The following DCC variants were observed in gnomAD, a reference collection of about 807,000 sequenced individuals.
DCC encodes the protein netrin receptor DCC.
DCC carries 58 observed loss-of-function variants against 172.5 expected under a neutral mutation model. The observed-to-expected ratio is 0.34, with a 90% CI of 0.27 to 0.42. The LOEUF (loss-of-function observed/expected upper bound fraction) is 0.42. Among genes scored for constraint, DCC ranks in the 10% least tolerant of loss-of-function variants. The pLI is 1.00. For synonymous variants in DCC, 709 were observed against 644.5 expected, an observed-to-expected ratio of 1.10 and a Z score of -1.52; for missense variants, 1,740 against 1,791.0, an observed-to-expected ratio of 0.97 and a Z score of 0.51.
chr18:52,719,444 C>T (rs577001371), intron 1 of DCC, among the ~76,000 whole-genome samples: 6 of 152,108 alleles, frequency 3.9e-5, no homozygotes, highest in African/African-American at 1.4e-4. Context: ...AGGGCTCCGA[C>T]GGGGAGGTTA....
At chr18:52,558,611 G>T (rs1210331658) in intron 1 of DCC, among the ~76,000 whole-genome samples, 1 of 152,170 alleles carries the variant, frequency 6.6e-6, no homozygotes, top group Non-Finnish European at 1.5e-5. Context: ...GGTGAGGTCA[G>T]TAGAACGGGG....
Position 52,610,668 on chromosome 18 carries a change from G to C in DCC, c.92-141386G>C, listed in dbSNP as rs1194659392. 3.9e-5 allele frequency among the ~76,000 whole-genome samples: 6 copies of C among 152,020 alleles called. No individual in the cohort carries two copies. In the East Asian group the frequency reaches 1.2e-3, roughly 29 times the overall value. ...CAGAAGTAAATATTTTCGGCTTTGT[G>C]AGTCATGCCGCTTTGGTGACAGCCC... On this transcript the variant is annotated intron_variant, in intron 1 of 28. Coordinates refer to ENST00000442544, the MANE Select transcript of DCC (RefSeq NM_005215.4).
chr18:53,397,522 C>T, intron 18 of DCC, 76 bp downstream of exon 18: 1 of 1,497,414 alleles, frequency 6.7e-7, no homozygotes, highest in Non-Finnish European at 9.3e-7. Context: ...AACATGTGTT[C>T]CCTATGGTGT....
intron 1 of DCC, among the ~76,000 whole-genome samples, chr18:52,492,904 A>G (rs1403905322): frequency 1.3e-5 from 2 of 152,220 alleles, no homozygotes; most frequent in South Asian, 2.1e-4. Flanking sequence ...CAATCATATG[A>G]TAGCGGGCAG....
chr18:52,999,062 G>A (rs1484113078), intron 5 of DCC, among the ~76,000 whole-genome samples: 7 of 152,050 alleles, frequency 4.6e-5, no homozygotes, highest in African/African-American at 2.4e-5. Flanking sequence ...GACACAGTGA[G>A]TATTCAACAG....
At chr18:53,441,568 T>C (rs1472295516) in intron 22 of DCC, among the ~76,000 whole-genome samples, 2 of 152,162 alleles carry the variant, frequency 1.3e-5, no homozygotes, top group Non-Finnish European at 2.9e-5. Context: ...ACATGAGGAC[T>C]ACTACTTAGG....
At chr18:52,707,495 C>T (rs1002064117) in intron 1 of DCC, among the ~76,000 whole-genome samples, 1 of 152,164 alleles carries the variant, frequency 6.6e-6, no homozygotes, top group Non-Finnish European at 1.5e-5. Flanking sequence ...CCAACAATCT[C>T]ACTACTGTGT....
At chr18:52,603,103 C>T (rs764148101) in intron 1 of DCC, among the ~76,000 whole-genome samples, 1 of 152,060 alleles carries the variant, frequency 6.6e-6, no homozygotes, top group Admixed American at 6.6e-5. Flanking sequence ...TGAGAAGCAC[C>T]TTTATAGTGT....
chr18:52,802,030 C>CT (rs138320345), intron 2 of DCC, among the ~76,000 whole-genome samples: 6,488 of 149,584 alleles, frequency 0.043, 215 homozygotes, highest in South Asian at 0.16. Flanking sequence ...CCATTCCCTT[C>CT]TTTTTTTTAT....
At chr18:52,895,120 CAG>C (rs1296970312) in intron 2 of DCC, among the ~76,000 whole-genome samples, 1 of 152,168 alleles carries the variant, frequency 6.6e-6, no homozygotes, top group African/African-American at 2.4e-5. Flanking sequence ...TGATGAAAAA[CAG>C]AAGATCATAC....
chr18:53,205,155 A>G, intron 9 of DCC, 61 bp from the exon 10 acceptor site: 1 of 1,362,536 alleles, frequency 7.3e-7, no homozygotes, highest in Non-Finnish European at 1.0e-6. Flanking sequence ...GTTTGTTTTG[A>G]GAACAAAAAC....
intron 5 of DCC, among the ~76,000 whole-genome samples, chr18:53,019,526 C>T (rs376708304): frequency 6.6e-6 from 1 of 152,068 alleles, no homozygotes; most frequent in African/African-American, 2.4e-5. Context: ...ATAGTTCATC[C>T]CACCAGCCTT....
At chr18:52,364,706 C>T (rs1376154658) in intron 1 of DCC, among the ~76,000 whole-genome samples, 2 of 152,202 alleles carry the variant, frequency 1.3e-5, no homozygotes, top group African/African-American at 4.8e-5. Context: ...CTGTTCTACT[C>T]TTCTCACCTG....
At chr18:53,450,813 A>C in intron 23 of DCC, 151 bp downstream of exon 23, 1 of 717,214 alleles carries the variant, frequency 1.4e-6, no homozygotes, top group Non-Finnish European at 2.5e-6. Flanking sequence ...TTCCAGGCCT[A>C]TCATTAAGTG....
chr18:53,235,791 C>T (rs1598933355), intron 12 of DCC, among the ~76,000 whole-genome samples: 1 of 152,242 alleles, frequency 6.6e-6, no homozygotes, highest in Middle Eastern at 3.4e-3. Flanking sequence ...CCCCTCTTCC[C>T]TAAGAAACTG....
chr18:53,390,993 C>G (rs1260155586), intron 16 of DCC, among the ~76,000 whole-genome samples: 1 of 152,156 alleles, frequency 6.6e-6, no homozygotes, highest in Non-Finnish European at 1.5e-5. Flanking sequence ...CTGTCTGAAA[C>G]TTAATTATCA....
At chr18:53,487,098 A>G (rs528419269) in intron 26 of DCC, 140 bp downstream of exon 26, 8 of 1,177,252 alleles carry the variant, frequency 6.8e-6, no homozygotes, top group Middle Eastern at 2.7e-4. Flanking sequence ...CCTTTCCAAC[A>G]CAGTGCTTTG....
intron 1 of DCC, among the ~76,000 whole-genome samples, chr18:52,418,536 G>T (rs1987126690): frequency 6.6e-6 from 1 of 152,150 alleles, no homozygotes; most frequent in Non-Finnish European, 1.5e-5. Context: ...TTTCCAAATG[G>T]CTCAAAGATG....
chr18:52,430,332 C>A (rs969358236), intron 1 of DCC, among the ~76,000 whole-genome samples: 2 of 147,788 alleles, frequency 1.4e-5, no homozygotes, highest in Non-Finnish European at 3.0e-5. Context: ...ATTTCTGGAC[C>A]AAGGCAACGG....
Sources: gnomAD v4.1 joint callset for allele counts (sites outside exome capture counted in the v4.1 genomes callset) on GRCh38, gnomAD v4.1.1 for gene constraint, MANE v1.5 for transcripts, NCBI Gene and HGNC (gene_info 2026-07-23, HGNC 2026-07-21) for gene names.